Variants in MCFD2 observed in about 807,000 individuals in gnomAD.
MCFD2 encodes multiple coagulation factor deficiency protein 2.
In MCFD2, 11 loss-of-function variants were observed where a neutral mutation model predicts 12.8. The observed-to-expected ratio is 0.86, with a 90% CI of 0.54 to 1.42. MCFD2 has a LOEUF of 1.42. Ranked by LOEUF, MCFD2 falls within the 40% of genes most tolerant of loss-of-function variation. The probability of loss-of-function intolerance (pLI) is 0.00; values close to 1 mark genes in which losing one functional copy is unlikely to be tolerated. For synonymous variants in MCFD2, 70 were observed against 68.1 expected, an observed-to-expected ratio of 1.03 and a Z score of -0.14; for missense variants, 191 against 178.6, an observed-to-expected ratio of 1.07 and a Z score of -0.40.
chr2:46,929,628 G>A (rs114406271), intron 1 of MCFD2, among the ~76,000 whole-genome samples: 2,085 of 152,154 alleles, frequency 0.014, 47 homozygotes, highest in African/African-American at 0.048. Flanking sequence ...TAACACGGGG[G>A]TACAGCTAAC....
intron 1 of MCFD2, among the ~76,000 whole-genome samples, chr2:46,921,796 A>C (rs1431601212): frequency 6.6e-6 from 1 of 152,090 alleles, no homozygotes; most frequent in South Asian, 2.1e-4. Flanking sequence ...GGAGTGTGCA[A>C]CCTAGATCCC....
At chr2:46,909,690 G>A (rs1402858041) in intron 1 of MCFD2, among the ~76,000 whole-genome samples, 1 of 152,198 alleles carries the variant, frequency 6.6e-6, no homozygotes, top group Non-Finnish European at 1.5e-5. Context: ...GGTGGGAGCA[G>A]AGTGGCAGGT....
chr2:46,931,219 T>C (rs1669683526), intron 1 of MCFD2, among the ~76,000 whole-genome samples: 1 of 152,242 alleles, frequency 6.6e-6, no homozygotes, highest in African/African-American at 2.4e-5. Context: ...GCTGGGATTA[T>C]AGGCATATAC....
At chr2:46,916,173 T>A (rs1225923603), upstream of MCFD2, 4 of 983,354 alleles carry the variant, frequency 4.1e-6, no homozygotes, top group Admixed American at 6.1e-5. Flanking sequence ...TACAGGGCTC[T>A]TGGTTCAGGT....
rs1368237581 is a variant in MCFD2 at position 46,907,151 on chromosome 2, T to G, written c.309+659A>C. ...ACTGCCACGTCCCTGAATCCCTTGG[T>G]GTCAATTCACCATTAAACAACTTCT... On this transcript the variant is annotated intron_variant, in intron 3 of 3. Transcript: ENST00000319466. This position sits in a 1 kb window ranked among gnomAD's most constrained non-coding sequence, Gnocchi z 4.1. The G allele has an allele frequency of 6.4e-6, 1 of 156,580 alleles. No individual in the cohort carries two copies. The highest frequency in any genetic ancestry group is 1.4e-5 in the Non-Finnish European group (1 of 70,924). 9.7% of individuals were successfully genotyped at this position (156,580 alleles called of 1,614,324 possible).
chr2:46,915,804 T>TCGGGGGGGGGGGGGGGGG lies in MCFD2; in HGVS notation c.-89_-88insCCCCCCCCCCCCCCCCCG. ...GTCCCCAAAACGCTCTTCCTCGGCT[T>TCGGGGGGGGGGGGGGGGG]CGCCCCGCCCCCCCCCCCCCCCCGA... On this transcript the variant is annotated 5_prime_UTR_variant, in exon 1 of 4. Transcript: ENST00000319466. 2 of 568,430 alleles carry TCGGGGGGGGGGGGGGGGG rather than the reference T, an allele frequency of 3.5e-6. No individual in the cohort carries two copies. The highest frequency in any genetic ancestry group is 1.0e-4 in the South Asian group (1 of 9,538). 35.2% of individuals were successfully genotyped at this position (568,430 alleles called of 1,614,324 possible). A position where few individuals can be genotyped will look rare whatever the true frequency, so the allele number is the denominator to read the frequency against.
At chr2:46,917,196 A>G, upstream of MCFD2, 1 of 700,386 alleles carries the variant, frequency 1.4e-6, no homozygotes, top group Non-Finnish European at 2.6e-6. Context: ...AAGAGTCTCC[A>G]TGGTGCCCAG....
At chr2:46,939,000 G>C (rs1325925188) in intron 1 of MCFD2, among the ~76,000 whole-genome samples, 2 of 145,038 alleles carry the variant, frequency 1.4e-5, no homozygotes, top group Non-Finnish European at 3.0e-5. Flanking sequence ...AACAGAGCGA[G>C]ACTCTGTCTC....
chr2:46,919,055 C>T (rs1046692977), upstream of MCFD2, among the ~76,000 whole-genome samples: 7 of 152,178 alleles, frequency 4.6e-5, no homozygotes, highest in Admixed American at 1.3e-4. Context: ...GGTGGCATCT[C>T]TTTCCTCAGC....
intron 1 of MCFD2, 60 bp downstream of exon 1, chr2:46,915,663 C>T: frequency 1.6e-6 from 1 of 643,676 alleles, no homozygotes; most frequent in Non-Finnish European, 1.9e-6. Flanking sequence ...CCCAAGCCTC[C>T]AGCCCACAGG....
intron 1 of MCFD2, among the ~76,000 whole-genome samples, chr2:46,909,894 G>T (rs1668413608): frequency 6.6e-6 from 1 of 152,178 alleles, no homozygotes; most frequent in African/African-American, 2.4e-5. Context: ...TGGGAGGTGA[G>T]ATCAGAGCTT....
chr2:46,917,834 C>T (rs543434014), upstream of MCFD2, among the ~76,000 whole-genome samples: 1 of 152,158 alleles, frequency 6.6e-6, no homozygotes, highest in Non-Finnish European at 1.5e-5. Context: ...CTTAGAAACA[C>T]TTTCTTCTCT....
intron 1 of MCFD2, among the ~76,000 whole-genome samples, chr2:46,925,272 G>C (rs186226125): frequency 6.6e-6 from 1 of 152,134 alleles, no homozygotes; most frequent in Non-Finnish European, 1.5e-5. Context: ...TTAACAATAT[G>C]TTGAGCTGGG....
intron 1 of MCFD2, chr2:46,913,679 A>C (rs1341719780): frequency 6.6e-6 from 1 of 152,326 alleles, no homozygotes; most frequent in African/African-American, 2.4e-5. Context: ...CTGCAAAGGG[A>C]CTTCAGGGCA....
Position 46,941,394 on chromosome 2 carries a change from C to CGCCGCCCGGGCCCCCGCT in MCFD2, c.-8+160_-8+177dup, listed in dbSNP as rs575062262. ...GCTGCTGCTGCTGCTGCCCACCCTC[C>CGCCGCCCGGGCCCCCGCT]GCCGCCCGGGCCCCCGCTGCCGCCC... On this transcript the variant is annotated intron_variant, in intron 1 of 2. Coordinates refer to the MCFD2 transcript ENST00000409147. The surrounding 1 kb of genome is among the most constrained non-coding windows in gnomAD (Gnocchi z 4.2). 1.7e-3 allele frequency: 1,187 copies of CGCCGCCCGGGCCCCCGCT among 711,078 alleles called. 3 individuals carry two copies. Among genetic ancestry groups the CGCCGCCCGGGCCCCCGCT allele is most frequent in the Non-Finnish European group, 1.9e-3 (1,030 of 536,430 alleles). The allele number at this position is 711,078 out of a possible 1,614,324, so 44.0% of individuals were successfully genotyped here. A position where few individuals can be genotyped will look rare whatever the true frequency, so the allele number is the denominator to read the frequency against.
At chr2:46,935,549 G>A (rs538103680) in intron 1 of MCFD2, among the ~76,000 whole-genome samples, 14 of 152,192 alleles carry the variant, frequency 9.2e-5, no homozygotes, top group East Asian at 1.9e-4. Context: ...TAAGCTTTGC[G>A]TTATCACAAA....
chr2:46,911,691 G>A lies in MCFD2; in HGVS notation c.-6-2514C>T, dbSNP rs2103757916. ...AATCCCAGCACTTTGGGAGGCCGAGGCGGGCAGATCACGAGGTCAGGAGAT... is the reference window on the plus strand; with the variant it reads ...AATCCCAGCACTTTGGGAGGCCGAGACGGGCAGATCACGAGGTCAGGAGAT... On this transcript the variant is annotated intron_variant, in intron 1 of 3. Coordinates refer to ENST00000319466, the MANE Select transcript of MCFD2 (RefSeq NM_139279.6). Among the ~76,000 whole-genome samples the A allele has an allele frequency of 2.0e-5, 3 of 152,096 alleles. No homozygotes were observed. In the Middle Eastern group the frequency reaches 0.01, roughly 517 times the overall value.
intron 1 of MCFD2, among the ~76,000 whole-genome samples, chr2:46,930,343 A>G (rs35850425): frequency 6.6e-6 from 1 of 151,872 alleles, no homozygotes; most frequent in Admixed American, 6.6e-5. Flanking sequence ...TTCAAATAGC[A>G]CTATAAATTC....
In MCFD2 at chr2:46,908,188, G is replaced by T; in HGVS notation, c.150-219C>A. 1.7e-6 allele frequency: 1 copy of T among 594,178 alleles called. No individual in the cohort carries two copies. The highest frequency in any genetic ancestry group is 3.0e-6 in the Non-Finnish European group (1 of 334,328). 36.8% of individuals were successfully genotyped at this position (594,178 alleles called of 1,614,324 possible). A position where few individuals can be genotyped will look rare whatever the true frequency, so the allele number is the denominator to read the frequency against. On this transcript the variant is annotated intron_variant, in intron 2 of 3. Coordinates refer to ENST00000319466, the MANE Select transcript of MCFD2 (RefSeq NM_139279.6). The surrounding 1 kb of genome is among the most constrained non-coding windows in gnomAD (Gnocchi z 4.5). Reference sequence around the variant, plus strand: ...CATCTGTTATGCTGGCAGGATTAGGGTATTCTTTCCTCTTTATTATTAGAA... The same window carrying T: ...CATCTGTTATGCTGGCAGGATTAGGTTATTCTTTCCTCTTTATTATTAGAA...
Sources: gnomAD v4.1 joint callset for allele counts (sites outside exome capture counted in the v4.1 genomes callset) on GRCh38, gnomAD v4.1.1 for gene constraint, Gnocchi (gnomAD v3.1) non-coding constraint, MANE v1.5 for transcripts, NCBI Gene and HGNC (gene_info 2026-07-23, HGNC 2026-07-21) for gene names.